The following LDLRAD4 variants were observed in gnomAD, a reference collection of about 807,000 sequenced individuals.
LDLRAD4 encodes low density lipoprotein receptor class A domain containing 4, also known as low-density lipoprotein receptor class A domain-containing protein 4.
In LDLRAD4, 5 loss-of-function variants were observed where a neutral mutation model predicts 17.0. The observed-to-expected ratio is 0.29, with a 90% confidence interval of 0.15 to 0.62. The LOEUF is 0.62. LDLRAD4 is among the 20% of genes least tolerant of loss of function. The pLI, the probability that LDLRAD4 is intolerant of heterozygous loss-of-function variation, is 0.84. For synonymous variants in LDLRAD4, 168 were observed against 171.8 expected, an observed-to-expected ratio of 0.98 and a Z score of 0.17; for missense variants, 340 against 424.7, an observed-to-expected ratio of 0.80 and a Z score of 1.75.
chr18:13,470,215 T>C (rs992380953), intron 3 of LDLRAD4, among the ~76,000 whole-genome samples: 1 of 152,158 alleles, frequency 6.6e-6, no homozygotes, highest in Non-Finnish European at 1.5e-5. Flanking sequence ...AATAGAGGGC[T>C]GCAGAAATGT....
At chr18:13,344,075 T>A (rs1324857213) in intron 1 of LDLRAD4, among the ~76,000 whole-genome samples, 1 of 152,204 alleles carries the variant, frequency 6.6e-6, no homozygotes, top group Non-Finnish European at 1.5e-5. Context: ...GTGCAGAAGC[T>A]CTTTAGTTTA....
Position 13,311,529 on chromosome 18 carries a change from C to T in LDLRAD4, c.-383+33341C>T, listed in dbSNP as rs143534360. Reference sequence around the variant, plus strand: ...CTGAGGATGAGTGTCATCCTCAGAACGCCGGCCACACTGGGCAATGTTTCC... The same window carrying T: ...CTGAGGATGAGTGTCATCCTCAGAATGCCGGCCACACTGGGCAATGTTTCC... On this transcript the variant is annotated intron_variant, in intron 1 of 5. Coordinates refer to ENST00000359446, the Ensembl canonical transcript of LDLRAD4. Among the ~76,000 whole-genome samples, 74 of 152,276 alleles carry T rather than the reference C, an allele frequency of 4.9e-4. 2 individuals carry two copies. In the East Asian group the frequency reaches 0.012, roughly 25 times the overall value.
intron 1 of LDLRAD4, among the ~76,000 whole-genome samples, chr18:13,222,160 C>T (rs2041490759): frequency 6.6e-6 from 1 of 152,154 alleles, no homozygotes; most frequent in Non-Finnish European, 1.5e-5. Context: ...TCTGTACCCC[C>T]TTCTCAACCG....
chr18:13,581,801 C>A (rs1454603079), intron 3 of LDLRAD4, among the ~76,000 whole-genome samples: 1 of 152,114 alleles, frequency 6.6e-6, no homozygotes, highest in Non-Finnish European at 1.5e-5. Context: ...CCATGCTTAC[C>A]AGCACCTTGT....
chr18:13,244,929 GAAAC>G (rs552011467), intron 1 of LDLRAD4, among the ~76,000 whole-genome samples: 153 of 152,324 alleles, frequency 1.0e-3, no homozygotes, highest in African/African-American at 3.6e-3. Context: ...TACTCTGGGA[GAAAC>G]AAACAAGCAA....
chr18:13,412,278 C>T (rs1377407177), intron 2 of LDLRAD4, among the ~76,000 whole-genome samples: 2 of 152,234 alleles, frequency 1.3e-5, no homozygotes, highest in African/African-American at 2.4e-5. Context: ...GGCCCCATCA[C>T]ACTGCCTACT....
intron 3 of LDLRAD4, among the ~76,000 whole-genome samples, chr18:13,450,174 T>G (rs1220901856): frequency 2.6e-5 from 4 of 152,222 alleles, no homozygotes; most frequent in Non-Finnish European, 5.9e-5. Context: ...CTTCCAGGCC[T>G]ACCCGTGCCT....
At chr18:13,475,409 C>T (rs1437489992) in intron 3 of LDLRAD4, among the ~76,000 whole-genome samples, 3 of 149,744 alleles carry the variant, frequency 2.0e-5, no homozygotes, top group African/African-American at 4.9e-5. Context: ...CTCTGGTGCT[C>T]GCCACCACAC....
intron 1 of LDLRAD4, among the ~76,000 whole-genome samples, chr18:13,334,839 A>G (rs182472818): frequency 1.2e-4 from 19 of 152,224 alleles, no homozygotes; most frequent in Admixed American, 1.3e-4. Flanking sequence ...TTTTTTGTAG[A>G]TGTTGTTTAT....
At chr18:13,432,778 G>A (rs549843170) in intron 2 of LDLRAD4, among the ~76,000 whole-genome samples, 68 of 152,274 alleles carry the variant, frequency 4.5e-4, no homozygotes, top group African/African-American at 1.5e-3. Flanking sequence ...GTGCAGTGGC[G>A]TGATCTCGGC....
intron 1 of LDLRAD4, among the ~76,000 whole-genome samples, chr18:13,230,313 G>A (rs1368173575): frequency 2.6e-5 from 4 of 152,142 alleles, no homozygotes; most frequent in South Asian, 2.1e-4. Flanking sequence ...ACAGCAGCAC[G>A]GCTGGACTGA....
chr18:13,486,184 G>A (rs550883454), intron 3 of LDLRAD4, among the ~76,000 whole-genome samples: 7 of 152,288 alleles, frequency 4.6e-5, no homozygotes, highest in South Asian at 4.1e-4. Context: ...GTTGGGCTGC[G>A]GAACCCACAT....
chr18:13,457,613 G>A (rs1314718069), intron 3 of LDLRAD4, among the ~76,000 whole-genome samples: 4 of 152,164 alleles, frequency 2.6e-5, no homozygotes, highest in Non-Finnish European at 5.9e-5. Flanking sequence ...TGACGCACCC[G>A]ACCTTCTAAC....
intron 1 of LDLRAD4, among the ~76,000 whole-genome samples, chr18:13,379,080 C>T (rs2085142947): frequency 6.6e-6 from 1 of 152,254 alleles, no homozygotes; most frequent in African/African-American, 2.4e-5. Flanking sequence ...CCAGTGCCAT[C>T]ATTGCTTCCA....
chr18:13,620,498 G>T (rs575360362), intron 3 of LDLRAD4, among the ~76,000 whole-genome samples: 1 of 152,314 alleles, frequency 6.6e-6, no homozygotes, highest in South Asian at 2.1e-4. Flanking sequence ...CCCAAAACGG[G>T]GGTCTGGCTC....
At chr18:13,394,615 G>A (rs1387535223) in intron 2 of LDLRAD4, among the ~76,000 whole-genome samples, 1 of 152,186 alleles carries the variant, frequency 6.6e-6, no homozygotes, top group East Asian at 1.9e-4. Context: ...TATGCTCAGA[G>A]CATCCTGCAG....
intron 1 of LDLRAD4, among the ~76,000 whole-genome samples, chr18:13,365,653 T>C (rs1220383089): frequency 6.6e-6 from 1 of 152,204 alleles, no homozygotes; most frequent in East Asian, 1.9e-4. Flanking sequence ...ATGTACTTCC[T>C]GTAAAAGCCC....
At chr18:13,359,954 A>G (rs1017823534) in intron 1 of LDLRAD4, among the ~76,000 whole-genome samples, 1 of 152,184 alleles carries the variant, frequency 6.6e-6, no homozygotes, top group Non-Finnish European at 1.5e-5. Flanking sequence ...TTGGACATTG[A>G]TTAGCTTTGT....
At chr18:13,489,139 G>A (rs973546227) in intron 3 of LDLRAD4, 2 of 150,632 alleles carry the variant, frequency 1.3e-5, no homozygotes, top group African/African-American at 2.4e-5. Context: ...GAATTGTGGT[G>A]CTACCCATTC....
Sources: allele counts gnomAD v4.1 joint callset (sites outside exome capture counted in the v4.1 genomes callset), GRCh38; gene constraint gnomAD v4.1.1; transcripts MANE v1.5; gene names NCBI Gene and HGNC (gene_info 2026-07-23, HGNC 2026-07-21).